Variants in MAPKAP1 observed in about 807,000 individuals in gnomAD.
MAPKAP1 encodes MAPK associated protein 1.
In MAPKAP1, 20 loss-of-function variants were observed where a neutral mutation model predicts 65.7. That is an observed-to-expected ratio of 0.30 (90% confidence interval 0.21 to 0.44). The LOEUF (loss-of-function observed/expected upper bound fraction) is 0.44. Ranked by LOEUF, MAPKAP1 falls within the 20% of genes least tolerant of loss-of-function variation. The pLI is 1.00. For synonymous variants in MAPKAP1, 222 were observed against 244.3 expected, an observed-to-expected ratio of 0.91 and a Z score of 0.85; for missense variants, 423 against 648.0, an observed-to-expected ratio of 0.65 and a Z score of 3.77.
chr9:125,468,449 G>A (rs1853769655), intron 9 of MAPKAP1, among the ~76,000 whole-genome samples: 1 of 152,210 alleles, frequency 6.6e-6, no homozygotes. Flanking sequence ...ATATTGTAAT[G>A]AAATAACCAT....
intron 10 of MAPKAP1, among the ~76,000 whole-genome samples, chr9:125,446,351 C>T (rs1170953178): frequency 1.3e-5 from 2 of 152,124 alleles, no homozygotes; most frequent in Non-Finnish European, 2.9e-5. Context: ...CAAATTTAGC[C>T]TGATTCTAAA....
At chr9:125,571,845 G>A (rs904260218) in intron 5 of MAPKAP1, among the ~76,000 whole-genome samples, 5 of 152,076 alleles carry the variant, frequency 3.3e-5, no homozygotes, top group African/African-American at 9.7e-5. Flanking sequence ...CCTGCTCGAC[G>A]GGAGCGAGAC....
At chr9:125,504,238 A>G (rs1006656625) in intron 8 of MAPKAP1, among the ~76,000 whole-genome samples, 2 of 152,168 alleles carry the variant, frequency 1.3e-5, no homozygotes, top group Non-Finnish European at 2.9e-5. Context: ...GTATTTTACA[A>G]TGTTGATAAG....
chr9:125,634,650 A>G (rs1233314475), intron 4 of MAPKAP1, among the ~76,000 whole-genome samples: 1 of 152,212 alleles, frequency 6.6e-6, no homozygotes, highest in Admixed American at 6.5e-5. Context: ...GGGCAAACTG[A>G]GTACTGGTGA....
chr9:125,609,242 C>T (rs1832527971), intron 4 of MAPKAP1, among the ~76,000 whole-genome samples: 1 of 152,122 alleles, frequency 6.6e-6, no homozygotes, highest in African/African-American at 2.4e-5. Context: ...TCTTTGAGGT[C>T]TCTATAGAAG....
chr9:125,528,847 CAAAAAAAAA>C (rs61378848), intron 7 of MAPKAP1, among the ~76,000 whole-genome samples: 2 of 44,124 alleles, frequency 4.5e-5, no homozygotes, highest in Non-Finnish European at 7.8e-5. Flanking sequence ...GACTCCGTCT[CAAAAAAAAA>C]AAAAAAAAAA....
Position 125,559,616 on chromosome 9 carries a change from A to AT in MAPKAP1, c.848+16dup. The AT allele has an allele frequency of 1.2e-6, 2 of 1,600,978 alleles. No homozygotes were observed. Among genetic ancestry groups the AT allele is most frequent in the Non-Finnish European group, 1.7e-6 (2 of 1,171,344 alleles). ...TTGGGATGAGATACCGAGAGAAGTAATAGAGTCAGTACTCACATTCGAACA... is the reference window on the plus strand; with the variant it reads ...TTGGGATGAGATACCGAGAGAAGTAATTAGAGTCAGTACTCACATTCGAACA... On this transcript the variant is annotated intron_variant, in intron 6 of 11. Coordinates refer to ENST00000265960, the MANE Select transcript of MAPKAP1 (RefSeq NM_001006617.3).
At chr9:125,608,291 T>C (rs1421566235) in intron 4 of MAPKAP1, among the ~76,000 whole-genome samples, 1 of 152,254 alleles carries the variant, frequency 6.6e-6, no homozygotes, top group South Asian at 2.1e-4. Flanking sequence ...TATTTGTTAG[T>C]CTGATCATTT....
At chr9:125,451,311 G>A (rs932841214) in intron 10 of MAPKAP1, among the ~76,000 whole-genome samples, 14 of 152,146 alleles carry the variant, frequency 9.2e-5, no homozygotes, top group Admixed American at 7.2e-4. Context: ...TTGGGTCCAC[G>A]TCTCCAGTCA....
At chr9:125,690,174 G>A (rs1188047851) in intron 1 of MAPKAP1, among the ~76,000 whole-genome samples, 2 of 152,176 alleles carry the variant, frequency 1.3e-5, no homozygotes, top group African/African-American at 2.4e-5. Flanking sequence ...AAGAGACTAA[G>A]ATCACAATAA....
At chr9:125,702,321 G>A (rs963520371) in intron 1 of MAPKAP1, among the ~76,000 whole-genome samples, 1 of 152,226 alleles carries the variant, frequency 6.6e-6, no homozygotes, top group African/African-American at 2.4e-5. Flanking sequence ...GATCACCTGA[G>A]GTCGGGAGTT....
chr9:125,636,953 A>G (rs1833442337), intron 4 of MAPKAP1, among the ~76,000 whole-genome samples: 1 of 152,214 alleles, frequency 6.6e-6, no homozygotes, highest in African/African-American at 2.4e-5. Context: ...TAGAAATGCC[A>G]CAAGTCAATA....
chr9:125,624,456 G>A (rs1340923604), intron 4 of MAPKAP1, among the ~76,000 whole-genome samples: 4 of 104,714 alleles, frequency 3.8e-5, no homozygotes, highest in Middle Eastern at 5.7e-3. Context: ...CCCCACGCCC[G>A]GCCAGCCGCC....
At chr9:125,496,542 C>T (rs564411935) in intron 8 of MAPKAP1, among the ~76,000 whole-genome samples, 44 of 152,250 alleles carry the variant, frequency 2.9e-4, no homozygotes, top group African/African-American at 9.9e-4. Flanking sequence ...TTGGGGAGAT[C>T]AGTAATTTGT....
intron 7 of MAPKAP1, among the ~76,000 whole-genome samples, chr9:125,507,316 T>C (rs560541088): frequency 2.0e-5 from 3 of 152,238 alleles, no homozygotes; most frequent in Non-Finnish European, 4.4e-5. Flanking sequence ...TTAATGGTTA[T>C]TGAAAGGATT....
At chr9:125,452,230 C>T (rs761468794) in intron 10 of MAPKAP1, among the ~76,000 whole-genome samples, 3 of 152,086 alleles carry the variant, frequency 2.0e-5, no homozygotes, top group Admixed American at 6.5e-5. Flanking sequence ...TCCCAAGTAG[C>T]TGGGATTACA....
At chr9:125,682,752 A>C (rs1327929757) in intron 1 of MAPKAP1, among the ~76,000 whole-genome samples, 1 of 152,208 alleles carries the variant, frequency 6.6e-6, no homozygotes, top group Non-Finnish European at 1.5e-5. Flanking sequence ...CTCAATGTGA[A>C]ATTACCGGTT....
At chr9:125,644,311 A>C (rs1027202113) in intron 4 of MAPKAP1, among the ~76,000 whole-genome samples, 1 of 152,204 alleles carries the variant, frequency 6.6e-6, no homozygotes, top group African/African-American at 2.4e-5. Flanking sequence ...AGGGTTCAAA[A>C]TTACAAACTG....
At chr9:125,532,098 C>T (rs566271387) in intron 7 of MAPKAP1, among the ~76,000 whole-genome samples, 326 of 151,760 alleles carry the variant, frequency 2.1e-3, no homozygotes, top group South Asian at 0.015. Flanking sequence ...CTGTGGTGTA[C>T]GGAAAAAAAA....
Sources: allele counts gnomAD v4.1 joint callset (sites outside exome capture counted in the v4.1 genomes callset), GRCh38; gene constraint gnomAD v4.1.1; transcripts MANE v1.5; gene names NCBI Gene and HGNC (gene_info 2026-07-23, HGNC 2026-07-21).